The following NAALADL2 variants were observed in gnomAD, a reference collection of about 807,000 sequenced individuals.
The protein encoded by NAALADL2 is N-acetylated alpha-linked acidic dipeptidase like 2, also known as inactive N-acetylated-alpha-linked acidic dipeptidase-like protein 2.
Under a neutral mutation model 87.2 loss-of-function variants are expected in NAALADL2, and 76 were observed. The observed-to-expected ratio is 0.87, with a 90% CI of 0.72 to 1.05. The LOEUF (loss-of-function observed/expected upper bound fraction) is 1.05. Ranked by LOEUF, NAALADL2 falls within the 50% of genes least tolerant of loss-of-function variation. The pLI is 0.00. For missense variants in NAALADL2, 1,089 were observed against 945.8 expected (o/e 1.15, Z -1.99); for synonymous variants, 354 against 331.0 (o/e 1.07, Z -0.75).
rs574525696 is a variant in NAALADL2 at position 175,049,375 on chromosome 3, G to A, written c.44-47415G>A. On this transcript the variant is annotated intron_variant, in intron 1 of 13. Coordinates refer to ENST00000454872, the MANE Select transcript of NAALADL2 (RefSeq NM_207015.3). ...TTAGATAACATTTGACCCGACTGTA[G>A]GTAACTGAAACCAGGGAAAGTAAAA... Among the ~76,000 whole-genome samples the A allele has an allele frequency of 7.9e-5, 12 of 152,286 alleles. No homozygotes were observed. The East Asian group carries it at 2.1e-3, about 27-fold the overall frequency.
intron 3 of NAALADL2, among the ~76,000 whole-genome samples, chr3:174,747,476 T>A (rs1310351366): frequency 2.0e-5 from 3 of 151,464 alleles, no homozygotes; most frequent in African/African-American, 7.3e-5. Context: ...ATAAAAGTTA[T>A]CCAGGCATGG....
At chr3:175,066,079 C>A (rs1008445472) in intron 1 of NAALADL2, among the ~76,000 whole-genome samples, 1 of 152,100 alleles carries the variant, frequency 6.6e-6, no homozygotes, top group Non-Finnish European at 1.5e-5. Flanking sequence ...CTGCAGAGAA[C>A]AAGTGGAAAT....
intron 4 of NAALADL2, among the ~76,000 whole-genome samples, chr3:175,319,987 C>A (rs1759638142): frequency 6.6e-6 from 1 of 152,164 alleles, no homozygotes; most frequent in African/African-American, 2.4e-5. Flanking sequence ...TACTCCACTG[C>A]AAAAGTTAAT....
intron 1 of NAALADL2, among the ~76,000 whole-genome samples, chr3:174,987,589 A>AAAAAAAAAAC: frequency 7.1e-6 from 1 of 141,214 alleles, no homozygotes; most frequent in Non-Finnish European, 1.5e-5. Flanking sequence ...AAAAAAAAAA[A>AAAAAAAAAAC]AAAAAAAAAC....
chr3:175,679,116 A>G (rs7613235), intron 11 of NAALADL2, among the ~76,000 whole-genome samples: 53,425 of 151,758 alleles, frequency 0.35, 14,220 homozygotes, highest in African/African-American at 0.75. Context: ...ATTTCACAAG[A>G]TAATGTCATC....
chr3:174,913,627 GA>G (rs1305015820), intron 1 of NAALADL2, among the ~76,000 whole-genome samples: 1 of 151,382 alleles, frequency 6.6e-6, no homozygotes. Context: ...ATCTCCTCTG[GA>G]AAAAAAGGGA....
chr3:175,722,786 G>T (rs1429562305), intron 11 of NAALADL2, among the ~76,000 whole-genome samples: 1 of 152,086 alleles, frequency 6.6e-6, no homozygotes, highest in Non-Finnish European at 1.5e-5. Context: ...CTGGCACATA[G>T]TAGATTTTCA....
intron 3 of NAALADL2, among the ~76,000 whole-genome samples, chr3:174,818,875 T>C (rs762937529): frequency 4.6e-5 from 7 of 152,086 alleles, no homozygotes; most frequent in Admixed American, 6.6e-5. Context: ...GGCAGGTTCT[T>C]AGCCCTTGCT....
intron 10 of NAALADL2, among the ~76,000 whole-genome samples, chr3:175,590,727 A>G (rs982375031): frequency 1.4e-4 from 22 of 152,158 alleles, no homozygotes; most frequent in African/African-American, 5.1e-4. Flanking sequence ...ATCTACTACA[A>G]GGACATTGTA....
At chr3:174,810,870 G>T (rs1294466398) in intron 3 of NAALADL2, among the ~76,000 whole-genome samples, 1 of 152,120 alleles carries the variant, frequency 6.6e-6, no homozygotes, top group Non-Finnish European at 1.5e-5. Context: ...GGCCTAAGAG[G>T]AAAGAATAAT....
rs1410055327 is a variant in NAALADL2, at chr3:175,013,114, ATAAATATACATATT to A, written c.44-83673_44-83660del. Among the ~76,000 whole-genome samples, 7 of 8,136 alleles carry A rather than the reference ATAAATATACATATT, an allele frequency of 8.6e-4. 1 individual carries two copies. Among genetic ancestry groups the A allele is most frequent in the Non-Finnish European group, 1.4e-3 (7 of 4,840 alleles). 5.3% of individuals were successfully genotyped at this position (8,136 alleles called of 152,430 possible). Reference sequence around the variant, plus strand: ...TATATATAAATATACATATTTATATATAAATATACATATTTATATATAAATATGTAATACATATT... The same window carrying A: ...TATATATAAATATACATATTTATATATATATATAAATATGTAATACATATT... On this transcript the variant is annotated intron_variant, in intron 1 of 13. Coordinates refer to ENST00000454872, the MANE Select transcript of NAALADL2 (RefSeq NM_207015.3).
intron 4 of NAALADL2, among the ~76,000 whole-genome samples, chr3:175,300,058 T>C (rs567104549): frequency 1.4e-4 from 21 of 152,324 alleles, no homozygotes; most frequent in African/African-American, 4.8e-4. Flanking sequence ...GTGGTTTTTG[T>C]CATTGATTCT....
At chr3:175,395,713 A>G (rs939123737) in intron 5 of NAALADL2, among the ~76,000 whole-genome samples, 7 of 152,204 alleles carry the variant, frequency 4.6e-5, no homozygotes, top group Non-Finnish European at 1.0e-4. Flanking sequence ...TGATTTCTGT[A>G]TAATCTTTGC....
intron 3 of NAALADL2, among the ~76,000 whole-genome samples, chr3:174,753,337 A>G (rs1278786470): frequency 6.6e-6 from 1 of 151,784 alleles, no homozygotes; most frequent in East Asian, 1.9e-4. Flanking sequence ...TGGCCTCCCA[A>G]AGTGCTGGGA....
At position 175,033,842 on chromosome 3, in the gene NAALADL2, T is replaced by C. The variant is rs141524994; in HGVS notation, c.44-62948T>C. On this transcript the variant is annotated intron_variant, in intron 1 of 13. Transcript: ENST00000454872. The stretch of plus-strand genomic sequence containing the variant: ...GAATTTCATATCTGAATTTATAGTC[T>C]AAGAAGTTGCATTCCAAACCTCTTT... Among the ~76,000 whole-genome samples the C allele has an allele frequency of 1.7e-3, 256 of 152,262 alleles. 1 individual carries two copies. Among genetic ancestry groups the C allele is most frequent in the African/African-American group, 6.0e-3 (249 of 41,576 alleles).
At chr3:174,783,524 A>G (rs1716252657) in intron 3 of NAALADL2, among the ~76,000 whole-genome samples, 1 of 152,166 alleles carries the variant, frequency 6.6e-6, no homozygotes, top group Non-Finnish European at 1.5e-5. Context: ...TGATACAATC[A>G]AATAGTGTGC....
chr3:175,293,036 CA>C (rs568981496), intron 4 of NAALADL2, among the ~76,000 whole-genome samples: 153 of 49,420 alleles, frequency 3.1e-3, no homozygotes, highest in South Asian at 0.011. Context: ...GACTCCGTCT[CA>C]AAAAAAAAAA....
At chr3:175,724,630 A>G (rs1253345234) in intron 11 of NAALADL2, among the ~76,000 whole-genome samples, 1 of 152,124 alleles carries the variant, frequency 6.6e-6, no homozygotes, top group Non-Finnish European at 1.5e-5. Context: ...TTATATTTTG[A>G]CCATCATTTA....
intron 9 of NAALADL2, among the ~76,000 whole-genome samples, chr3:175,546,692 T>C (rs1378089730): frequency 6.6e-6 from 1 of 152,112 alleles, no homozygotes. Flanking sequence ...TTTAAGAATG[T>C]TGAATATTGA....
Sources: gnomAD v4.1 joint callset for allele counts (sites outside exome capture counted in the v4.1 genomes callset) on GRCh38, gnomAD v4.1.1 for gene constraint, MANE v1.5 for transcripts, NCBI Gene and HGNC (gene_info 2026-07-23, HGNC 2026-07-21) for gene names.